The following CAMTA1 variants were observed in gnomAD, a reference collection of about 807,000 sequenced individuals.
CAMTA1 encodes calmodulin-binding transcription activator 1.
Under a neutral mutation model 170.9 loss-of-function variants are expected in CAMTA1, and 27 were observed. The observed-to-expected ratio is 0.16, with a 90% CI of 0.12 to 0.22. The LOEUF is 0.22. Among genes scored for constraint, CAMTA1 ranks in the 10% least tolerant of loss-of-function variants. CAMTA1 has a pLI of 1.00. For missense variants in CAMTA1, 1,619 were observed against 2,217.2 expected (o/e 0.73, Z 5.42); for synonymous variants, 833 against 891.5 (o/e 0.93, Z 1.17).
At chr1:7,226,798 T>C (rs1169360182) in intron 4 of CAMTA1, among the ~76,000 whole-genome samples, 1 of 152,222 alleles carries the variant, frequency 6.6e-6, no homozygotes, top group Non-Finnish European at 1.5e-5. Context: ...TATCCTGTGA[T>C]TCATTTACCA....
At position 7,212,373 on chromosome 1, in the gene CAMTA1, C is replaced by T. The variant is rs1194393748; in HGVS notation, c.303-37118C>T. ...GAGACGTGTCACTGCCCCCATCCCT[C>T]CCCACACATGGGTAACCACTCTCAT... is the stretch of plus-strand genomic sequence containing the variant. On this transcript the variant is annotated intron_variant, in intron 4 of 22. Coordinates refer to ENST00000303635, the MANE Select transcript of CAMTA1 (RefSeq NM_015215.4). Among the ~76,000 whole-genome samples, 3 of 152,270 alleles carry T rather than the reference C, an allele frequency of 2.0e-5. No individual in the cohort carries two copies. In the East Asian group the frequency reaches 5.8e-4, roughly 29 times the overall value.
At chr1:6,888,057 G>T (rs781744661) in intron 3 of CAMTA1, 27 of 1,084,472 alleles carry the variant, frequency 2.5e-5, no homozygotes, top group Non-Finnish European at 2.8e-5. Flanking sequence ...TGCCCCAGCG[G>T]TGGTATGTTT....
intron 3 of CAMTA1, among the ~76,000 whole-genome samples, chr1:6,866,753 G>C (rs1666709156): frequency 6.6e-6 from 1 of 152,170 alleles, no homozygotes; most frequent in African/African-American, 2.4e-5. Context: ...ACTGTGCCCG[G>C]ACTTTTGCTT....
At chr1:6,937,342 TACC>T (rs1685521618) in intron 3 of CAMTA1, among the ~76,000 whole-genome samples, 2 of 148,324 alleles carry the variant, frequency 1.3e-5, no homozygotes, top group East Asian at 2.1e-4. Flanking sequence ...ATTCACCACT[TACC>T]ACCACCGTCA....
chr1:7,387,895 G>A (rs575615681), intron 5 of CAMTA1, among the ~76,000 whole-genome samples: 59 of 152,222 alleles, frequency 3.9e-4, no homozygotes, highest in Middle Eastern at 3.4e-3. Context: ...CCCTCACTTG[G>A]CTTTTCGCAG....
At chr1:7,524,806 T>C (rs2094411183) in intron 6 of CAMTA1, among the ~76,000 whole-genome samples, 1 of 151,880 alleles carries the variant, frequency 6.6e-6, no homozygotes, top group Admixed American at 6.6e-5. Flanking sequence ...GGGTAAGGGG[T>C]CCACAGCCTC....
intron 3 of CAMTA1, among the ~76,000 whole-genome samples, chr1:6,885,280 CT>C (rs1279590537): frequency 6.6e-6 from 1 of 152,098 alleles, no homozygotes; most frequent in East Asian, 1.9e-4. Flanking sequence ...AAAATATTAG[CT>C]TTTTAAAGGC....
intron 3 of CAMTA1, among the ~76,000 whole-genome samples, chr1:7,089,878 A>G (rs1641255911): frequency 6.6e-6 from 1 of 152,218 alleles, no homozygotes; most frequent in African/African-American, 2.4e-5. Flanking sequence ...CCTCAGGGAA[A>G]GATTTTTCTA....
intron 6 of CAMTA1, among the ~76,000 whole-genome samples, chr1:7,475,167 G>A (rs1471564456): frequency 6.6e-6 from 1 of 152,062 alleles, no homozygotes; most frequent in Non-Finnish European, 1.5e-5. Context: ...GAATATTATA[G>A]CTTCATAAAA....
chr1:6,888,108 A>G, intron 3 of CAMTA1: 9 of 990,830 alleles, frequency 9.1e-6, no homozygotes, highest in South Asian at 3.4e-5. Context: ...TGGAAGCTCC[A>G]TGAGAGCAGG....
At chr1:6,940,080 C>T (rs1458137951) in intron 3 of CAMTA1, among the ~76,000 whole-genome samples, 1 of 152,264 alleles carries the variant, frequency 6.6e-6, no homozygotes, top group East Asian at 1.9e-4. Flanking sequence ...CCACCCTGCA[C>T]CTGTGAAATC....
chr1:7,003,026 G>A (rs919262993), intron 3 of CAMTA1, among the ~76,000 whole-genome samples: 1 of 152,214 alleles, frequency 6.6e-6, no homozygotes, highest in Non-Finnish European at 1.5e-5. Context: ...CTGAACCTTG[G>A]CACTATTCAC....
intron 3 of CAMTA1, among the ~76,000 whole-genome samples, chr1:7,058,930 A>T (rs1707799184): frequency 6.6e-6 from 1 of 152,006 alleles, no homozygotes. Flanking sequence ...GGGTGTTTTC[A>T]GGCCATTTCT....
rs978097282 is a variant in CAMTA1, at chr1:7,562,460, G to A, written c.511-77940G>A. Among the ~76,000 whole-genome samples the A allele has an allele frequency of 1.3e-5, 2 of 152,108 alleles. No homozygotes were observed. The highest frequency in any genetic ancestry group is 2.4e-5 in the African/African-American group (1 of 41,420). ...TGCTGGAACTTCTGCCTGGCTCTCC[G>A]CATTCTTCCCCCAGGCTGGCAGACG... On this transcript the variant is annotated intron_variant, in intron 6 of 22. Coordinates refer to ENST00000303635, the MANE Select transcript of CAMTA1 (RefSeq NM_015215.4). The surrounding 1 kb of genome is among the most constrained non-coding windows in gnomAD (Gnocchi z 4.8).
At chr1:7,149,749 T>G (rs1646460846) in intron 4 of CAMTA1, among the ~76,000 whole-genome samples, 1 of 152,078 alleles carries the variant, frequency 6.6e-6, no homozygotes, top group East Asian at 1.9e-4. Context: ...CCGGAATAAC[T>G]CCGGCCTGGG....
At chr1:7,327,526 G>C (rs1270198456) in intron 5 of CAMTA1, among the ~76,000 whole-genome samples, 1 of 152,128 alleles carries the variant, frequency 6.6e-6, no homozygotes, top group Non-Finnish European at 1.5e-5. Flanking sequence ...GGTAGTGTTG[G>C]AGACATGAGG....
chr1:6,898,899 A>ATT (rs5772257), intron 3 of CAMTA1, among the ~76,000 whole-genome samples: 2 of 150,090 alleles, frequency 1.3e-5, no homozygotes, highest in Admixed American at 6.6e-5. Context: ...ATTTTGTTTG[A>ATT]TTTTTTTTTT....
At chr1:6,979,132 G>GA (rs1428406148) in intron 3 of CAMTA1, among the ~76,000 whole-genome samples, 1 of 152,224 alleles carries the variant, frequency 6.6e-6, no homozygotes, top group Admixed American at 6.5e-5. Flanking sequence ...AGGAAAACGA[G>GA]AGGGAAGCTA....
At chr1:6,938,316 G>C (rs571469685) in intron 3 of CAMTA1, among the ~76,000 whole-genome samples, 6 of 152,164 alleles carry the variant, frequency 3.9e-5, no homozygotes, top group Admixed American at 3.9e-4. Context: ...GGACCAGGGC[G>C]GCTGAGAGAC....
Sources: allele counts gnomAD v4.1 joint callset (sites outside exome capture counted in the v4.1 genomes callset), GRCh38; gene constraint gnomAD v4.1.1; non-coding constraint Gnocchi (gnomAD v3.1); transcripts MANE v1.5; gene names NCBI Gene and HGNC (gene_info 2026-07-23, HGNC 2026-07-21).